The following LRRC4C variants were observed in gnomAD, a reference collection of about 807,000 sequenced individuals.
LRRC4C encodes leucine-rich repeat-containing protein 4C.
LRRC4C carries 5 observed loss-of-function variants against 33.6 expected under a neutral mutation model. That is an observed-to-expected ratio of 0.15 (90% CI 0.08 to 0.31). The LOEUF is 0.31. Among genes scored for constraint, LRRC4C ranks in the 10% least tolerant of loss-of-function variants. The probability of loss-of-function intolerance (pLI) is 1.00; values close to 1 mark genes in which losing one functional copy is unlikely to be tolerated. For synonymous variants in LRRC4C, 329 were observed against 302.0 expected (o/e 1.09, Z -0.93); for missense variants, 560 against 796.7 (o/e 0.70, Z 3.58).
rs1173541718 is a variant in LRRC4C at position 41,438,074 on chromosome 11, A to AAT, written c.-496+21356_-496+21357insAT. On this transcript the variant is annotated intron_variant, in intron 1 of 6. Coordinates refer to ENST00000528697, the MANE Select transcript of LRRC4C (RefSeq NM_001258419.2). ...ATAAATAAATAAATAAATAAATAAT[A>AAT]AAAAAAAATAATTACAATATGGTAC... is the stretch of plus-strand genomic sequence containing the variant. Among the ~76,000 whole-genome samples the AAT allele has an allele frequency of 1.3e-4, 9 of 69,300 alleles. No homozygotes were observed. In the South Asian group the frequency reaches 2.7e-3, roughly 21 times the overall value. 45.5% of individuals were successfully genotyped at this position (69,300 alleles called of 152,430 possible).
intron 2 of LRRC4C, among the ~76,000 whole-genome samples, chr11:40,844,990 T>C (rs1436186305): frequency 1.3e-5 from 2 of 152,136 alleles, no homozygotes; most frequent in Non-Finnish European, 2.9e-5. Context: ...GGGTTTCTTT[T>C]GTTTTCTTTA....
chr11:40,615,862 G>C (rs1961759475), intron 3 of LRRC4C, among the ~76,000 whole-genome samples: 2 of 151,660 alleles, frequency 1.3e-5, no homozygotes, highest in Admixed American at 1.3e-4. Context: ...TGGGCACATA[G>C]GTGTTCAATC....
chr11:41,180,872 C>T (rs559908491), intron 1 of LRRC4C, among the ~76,000 whole-genome samples: 1 of 151,856 alleles, frequency 6.6e-6, no homozygotes, highest in East Asian at 1.9e-4. Flanking sequence ...CAAAATGACA[C>T]AGAAATCAAC....
intron 1 of LRRC4C, among the ~76,000 whole-genome samples, chr11:41,192,145 C>T (rs1945977052): frequency 6.6e-6 from 1 of 152,086 alleles, no homozygotes; most frequent in Non-Finnish European, 1.5e-5. Flanking sequence ...ATAGCACATA[C>T]CTCATTTTCC....
intron 5 of LRRC4C, among the ~76,000 whole-genome samples, chr11:40,191,794 C>T (rs1861856922): frequency 6.6e-6 from 1 of 152,036 alleles, no homozygotes; most frequent in Admixed American, 6.6e-5. Flanking sequence ...GACCTCATCT[C>T]TACTAAAAAT....
chr11:40,784,000 C>A (rs920127944), intron 2 of LRRC4C, among the ~76,000 whole-genome samples: 1 of 152,034 alleles, frequency 6.6e-6, no homozygotes, highest in Non-Finnish European at 1.5e-5. Flanking sequence ...TATTTGCATA[C>A]TTTGTCAGAG....
intron 2 of LRRC4C, among the ~76,000 whole-genome samples, chr11:40,701,567 T>C (rs1945864851): frequency 6.6e-6 from 1 of 150,878 alleles, no homozygotes; most frequent in African/African-American, 2.4e-5. Flanking sequence ...TGGGGATGGG[T>C]TTCATATTTA....
chr11:41,098,610 C>T lies in LRRC4C; in HGVS notation c.-495-164887G>A, dbSNP rs138860545. Reference sequence around the variant, plus strand: ...GCTTCTGTGATTCTAAAATAAAACTCATTTTAAATCTTTGCTTGTACCTTA... The same window carrying T: ...GCTTCTGTGATTCTAAAATAAAACTTATTTTAAATCTTTGCTTGTACCTTA... On this transcript the variant is annotated intron_variant, in intron 1 of 6. Coordinates refer to ENST00000528697, the MANE Select transcript of LRRC4C (RefSeq NM_001258419.2). 5.8e-4 allele frequency among the ~76,000 whole-genome samples: 88 copies of T among 152,196 alleles called. 3 individuals carry two copies. In the East Asian group the frequency reaches 0.013, roughly 22 times the overall value.
chr11:40,875,829 T>C (rs1954857908), intron 2 of LRRC4C, among the ~76,000 whole-genome samples: 1 of 152,142 alleles, frequency 6.6e-6, no homozygotes, highest in East Asian at 1.9e-4. Context: ...TCTATTATTA[T>C]CACATTGTAA....
At chr11:41,007,423 G>A (rs1854836055) in intron 1 of LRRC4C, among the ~76,000 whole-genome samples, 1 of 151,944 alleles carries the variant, frequency 6.6e-6, no homozygotes, top group African/African-American at 2.4e-5. Flanking sequence ...TGGCAAGAAT[G>A]TGAGGAAACA....
In LRRC4C at chr11:41,154,948, C is replaced by A. The variant is rs547118722; in HGVS notation, c.-495-221225G>T. On this transcript the variant is annotated intron_variant, in intron 1 of 6. Transcript: ENST00000528697. ...TGAGTACTTCAGACTGGGATCAGAGCAGGTGAGATATGTGGATTTGCAGCT... is the reference window on the plus strand; with the variant it reads ...TGAGTACTTCAGACTGGGATCAGAGAAGGTGAGATATGTGGATTTGCAGCT... 7.2e-5 allele frequency among the ~76,000 whole-genome samples: 11 copies of A among 152,148 alleles called. No homozygotes were observed. The South Asian group carries it at 2.3e-3, about 32-fold the overall frequency.
chr11:40,484,059 C>T (rs971459730), intron 3 of LRRC4C, among the ~76,000 whole-genome samples: 4 of 152,084 alleles, frequency 2.6e-5, no homozygotes, highest in African/African-American at 9.6e-5. Flanking sequence ...TTTTGTTTGG[C>T]AATATGCCCA....
At chr11:40,182,407 TA>T (rs1294978025) in intron 5 of LRRC4C, among the ~76,000 whole-genome samples, 1 of 152,024 alleles carries the variant, frequency 6.6e-6, no homozygotes, top group Non-Finnish European at 1.5e-5. Context: ...CACATAAACA[TA>T]AAAAAAGAGT....
At chr11:40,672,665 T>C (rs987484784) in intron 2 of LRRC4C, among the ~76,000 whole-genome samples, 1 of 152,212 alleles carries the variant, frequency 6.6e-6, no homozygotes, top group African/African-American at 2.4e-5. Context: ...TCCTTCGATA[T>C]GCCTTAGCCA....
intron 1 of LRRC4C, among the ~76,000 whole-genome samples, chr11:41,213,881 C>T (rs1326884855): frequency 3.3e-5 from 5 of 152,148 alleles, no homozygotes; most frequent in African/African-American, 7.2e-5. Context: ...CTTGCAGATC[C>T]AACTGGTGCA....
intron 1 of LRRC4C, among the ~76,000 whole-genome samples, chr11:41,145,553 A>C (rs993826724): frequency 1.3e-5 from 2 of 152,198 alleles, no homozygotes; most frequent in African/African-American, 4.8e-5. Flanking sequence ...AGAGTTGAAT[A>C]GTTCCCACAG....
chr11:40,485,381 C>T (rs1953804841), intron 3 of LRRC4C, among the ~76,000 whole-genome samples: 1 of 151,858 alleles, frequency 6.6e-6, no homozygotes, highest in African/African-American at 2.4e-5. Flanking sequence ...CTCTCCCTCC[C>T]TCTTTCATAT....
intron 3 of LRRC4C, among the ~76,000 whole-genome samples, chr11:40,331,170 A>T (rs1946346120): frequency 6.6e-6 from 1 of 152,200 alleles, no homozygotes; most frequent in Non-Finnish European, 1.5e-5. Context: ...ACTTTTATAC[A>T]CTGTTGGTGG....
chr11:41,331,886 T>C (rs1258800810), intron 1 of LRRC4C, among the ~76,000 whole-genome samples: 1 of 152,198 alleles, frequency 6.6e-6, no homozygotes, highest in Non-Finnish European at 1.5e-5. Context: ...TTTTGTTTGT[T>C]ATCTTCTCAA....
Sources: allele counts gnomAD v4.1 joint callset (sites outside exome capture counted in the v4.1 genomes callset), GRCh38; gene constraint gnomAD v4.1.1; transcripts MANE v1.5; gene names NCBI Gene and HGNC (gene_info 2026-07-23, HGNC 2026-07-21).